The following ENAH variants were observed in gnomAD, a reference collection of about 807,000 sequenced individuals.
The protein encoded by ENAH is ENAH actin regulator.
ENAH carries 23 observed loss-of-function variants against 78.7 expected under a neutral mutation model. The ratio of observed to expected loss-of-function variants is 0.29; its 90% CI spans 0.21 to 0.41. The LOEUF is 0.41. ENAH is among the 10% of genes least tolerant of loss of function. The probability of loss-of-function intolerance (pLI) is 1.00; values close to 1 mark genes in which losing one functional copy is unlikely to be tolerated. For synonymous variants in ENAH, 226 were observed against 241.0 expected (o/e 0.94, Z 0.58); for missense variants, 544 against 691.0 (o/e 0.79, Z 2.39).
In ENAH at chr1:225,501,004, G is replaced by T; in HGVS notation, c.1605C>A (p.Asp535Glu). The T allele has an allele frequency of 6.2e-7, 1 of 1,614,124 alleles. No individual in the cohort carries two copies. Among genetic ancestry groups the T allele is most frequent in the South Asian group, 1.1e-5 (1 of 91,072 alleles). ...ACTGAGCACCCACCTGCTTCAGCCT[G>T]TCATAGTCAAGTCCTTCCGTCTGGA... Reference protein sequence around the residue: ...NGVQTEGLDYDRLKQDILDEM... With the variant: ...NGVQTEGLDYERLKQDILDEM... Residue 535 changes from aspartate (D) to glutamate (E), a missense_variant, in exon 12 of 14, where the codon GAC (aspartate) becomes GAA (glutamate). By Grantham distance (45) the Asp-to-Glu change is conservative (BLOSUM62 2). Around this residue, in one of 4 missense-constraint regions of ENAH, gnomAD observed 97 missense variants for 124.4 expected, o/e 0.78. Transcript: ENST00000366843.
intron 2 of ENAH, among the ~76,000 whole-genome samples, chr1:225,566,599 A>G (rs1304270005): frequency 6.6e-6 from 1 of 152,218 alleles, no homozygotes; most frequent in Non-Finnish European, 1.5e-5. Context: ...ACTCTTTATA[A>G]AAGTTCTTAC....
At chr1:225,653,263 G>T, upstream of ENAH, 1 of 150,782 alleles carries the variant, frequency 6.6e-6, no homozygotes, top group Non-Finnish European at 1.5e-5. The surrounding 1 kb of genome is among the most constrained non-coding windows in gnomAD (Gnocchi z 4.3). Context: ...GGGGCCGGGC[G>T]CACTCCCCCG....
At chr1:225,548,620 T>C (rs1383594425) in intron 3 of ENAH, among the ~76,000 whole-genome samples, 1 of 152,202 alleles carries the variant, frequency 6.6e-6, no homozygotes, top group Non-Finnish European at 1.5e-5. Context: ...TGTGCCTCCC[T>C]TTCTAGGTAT....
chr1:225,650,848 TAAAAAAAAAAAAAAAAAA>T (rs746549168), intron 1 of ENAH, among the ~76,000 whole-genome samples: 1 of 58,938 alleles, frequency 1.7e-5, no homozygotes, highest in East Asian at 4.7e-4. Context: ...AGACTGCATT[TAAAAAAAAAAAAAAAAAA>T]AAAAAAAAAA....
chr1:225,512,617 C>CAGG (rs772503637), intron 9 of ENAH, 40 bp downstream of exon 9: 2 of 1,574,824 alleles, frequency 1.3e-6, no homozygotes, highest in Non-Finnish European at 8.7e-7. Context: ...TGCCTGAATT[C>CAGG]CATATTTTAA....
At chr1:225,582,478 C>A (rs1188983869) in intron 1 of ENAH, among the ~76,000 whole-genome samples, 1 of 152,168 alleles carries the variant, frequency 6.6e-6, no homozygotes, top group Non-Finnish European at 1.5e-5. Context: ...GACAACTGGT[C>A]CTGGTCTGTG....
intron 2 of ENAH, among the ~76,000 whole-genome samples, chr1:225,562,601 A>AAAAAAC (rs1558819814): frequency 1.5e-5 from 2 of 133,428 alleles, no homozygotes; most frequent in East Asian, 4.2e-4. Context: ...AAAAAAAAAA[A>AAAAAAC]ACACACCCAA....
At chr1:225,539,825 CT>C (rs2096580917) in intron 3 of ENAH, among the ~76,000 whole-genome samples, 1 of 152,192 alleles carries the variant, frequency 6.6e-6, no homozygotes, top group African/African-American at 2.4e-5. Context: ...TATTCTCTTG[CT>C]CAACTGGCGT....
At chr1:225,622,069 CT>C (rs964227523) in intron 1 of ENAH, among the ~76,000 whole-genome samples, 1 of 152,184 alleles carries the variant, frequency 6.6e-6, no homozygotes, top group African/African-American at 2.4e-5. Context: ...TTGCTCAACT[CT>C]TTAAAAAGTC....
chr1:225,591,790 A>AAAAAAAAG (rs1558871378), intron 1 of ENAH, among the ~76,000 whole-genome samples: 1 of 147,138 alleles, frequency 6.8e-6, no homozygotes, highest in East Asian at 2.0e-4. Context: ...AAAAAAAAAA[A>AAAAAAAAG]GGGCTTCAAA....
At chr1:225,610,173 C>A (rs915271140) in intron 1 of ENAH, among the ~76,000 whole-genome samples, 2 of 149,312 alleles carry the variant, frequency 1.3e-5, no homozygotes, top group Admixed American at 1.3e-4. Context: ...AAAAAAAAAA[C>A]TAGCATTGCC....
chr1:225,582,426 A>G (rs1404376690), intron 1 of ENAH, among the ~76,000 whole-genome samples: 1 of 152,124 alleles, frequency 6.6e-6, no homozygotes, highest in Non-Finnish European at 1.5e-5. Flanking sequence ...TAAGAAAGGA[A>G]TAATACGGGG....
At chr1:225,575,541 T>A (rs894604931) in intron 1 of ENAH, among the ~76,000 whole-genome samples, 5 of 152,236 alleles carry the variant, frequency 3.3e-5, no homozygotes, top group African/African-American at 1.2e-4. Flanking sequence ...ACCATCCTAG[T>A]GCTGGGAGCA....
At chr1:225,616,441 AT>A (rs1655708429) in intron 1 of ENAH, among the ~76,000 whole-genome samples, 2 of 152,316 alleles carry the variant, frequency 1.3e-5, no homozygotes, top group South Asian at 4.1e-4. Context: ...TGAGAAAAAA[AT>A]TTAATGAATG....
At chr1:225,562,843 C>T (rs1236269485) in intron 2 of ENAH, among the ~76,000 whole-genome samples, 7 of 151,550 alleles carry the variant, frequency 4.6e-5, no homozygotes, top group Non-Finnish European at 8.8e-5. Flanking sequence ...CACAGTGGCT[C>T]ATGCCTATAA....
At chr1:225,549,388 C>G (rs1338613283) in intron 3 of ENAH, among the ~76,000 whole-genome samples, 1 of 152,188 alleles carries the variant, frequency 6.6e-6, no homozygotes, top group East Asian at 1.9e-4. Flanking sequence ...CTCTGGTTAA[C>G]AGGACCATCT....
Position 225,514,778 on chromosome 1 carries a change from C to G in ENAH, c.1036G>C (p.Gly346Arg), listed in dbSNP as rs778983588. The part of the protein sequence containing the change: ...PPPPPPLPST[G>R]PPPPPPPPPL... ...GGGGGAGGAGGGGGCGGTGGAGGCC[C>G]GGTGGATGGGAGTGGAGGAGGTGGA... The change falls in exon 7 of 14, where the codon GGG becomes CGG. Residue 346 changes from glycine (G) to arginine (R), a missense_variant. Transcript: ENST00000366843. 2.3e-6 allele frequency: 2 copies of G among 884,992 alleles called. No individual in the cohort carries two copies. Among genetic ancestry groups the G allele is most frequent in the Non-Finnish European group, 1.4e-6 (1 of 731,036 alleles). 54.8% of individuals were successfully genotyped at this position (884,992 alleles called of 1,614,324 possible).
At chr1:225,506,458 G>C (rs1476566365) in intron 11 of ENAH, among the ~76,000 whole-genome samples, 2 of 152,142 alleles carry the variant, frequency 1.3e-5, no homozygotes, top group African/African-American at 2.4e-5. Flanking sequence ...AAAGTGCTGG[G>C]ATTACAGGCA....
chr1:225,539,636 T>C (rs778152681), intron 3 of ENAH, among the ~76,000 whole-genome samples: 13 of 152,178 alleles, frequency 8.5e-5, no homozygotes, highest in Non-Finnish European at 1.6e-4. Flanking sequence ...GCTCTTAAGA[T>C]AAATACCAAA....
Sources: allele counts gnomAD v4.1 joint callset (sites outside exome capture counted in the v4.1 genomes callset), GRCh38; gene constraint gnomAD v4.1.1; regional missense constraint gnomAD v4.1.1; non-coding constraint Gnocchi (gnomAD v3.1); transcripts MANE v1.5; gene names NCBI Gene and HGNC (gene_info 2026-07-23, HGNC 2026-07-21).